The following OSTF1 variants were observed in gnomAD, a reference collection of about 807,000 sequenced individuals.
OSTF1 encodes the protein osteoclast stimulating factor 1, also known as osteoclast-stimulating factor 1.
A neutral mutation model predicts 37.2 loss-of-function variants in OSTF1; 27 were observed. That is an observed-to-expected ratio of 0.73 (90% confidence interval 0.54 to 1.00). OSTF1 has a LOEUF of 1.00. Among genes scored for constraint, OSTF1 ranks in the 50% least tolerant of loss-of-function variants. OSTF1 has a pLI of 0.00. For synonymous variants in OSTF1, 82 were observed against 89.2 expected (o/e 0.92, Z 0.46); for missense variants, 232 against 253.8 (o/e 0.91, Z 0.58).
chr9:75,137,701 G>T, intron 8 of OSTF1, 85 bp downstream of exon 8: 1 of 827,296 alleles, frequency 1.2e-6, no homozygotes. Context: ...ATGGTAGGAA[G>T]AATAATAGTC....
intron 2 of OSTF1, among the ~76,000 whole-genome samples, chr9:75,119,014 G>T (rs188093671): frequency 3.3e-5 from 5 of 152,186 alleles, no homozygotes. Flanking sequence ...GCTTCACCTG[G>T]GTTTGCCCCA....
chr9:75,142,613 C>T (rs1256164392), intron 9 of OSTF1, among the ~76,000 whole-genome samples: 2 of 152,242 alleles, frequency 1.3e-5, no homozygotes, highest in African/African-American at 4.8e-5. Context: ...AGCCTTTCTG[C>T]AGCCTTCGTA....
chr9:75,134,371 A>G lies in OSTF1; in HGVS notation c.384A>G (p.Gln128=). ...HKDIVEMLFT[Q]PNIELNQQNK... Reference sequence around the variant, plus strand: ...ATATAGTGGAAATGCTATTTACTCAACCAAATATTGAACTGAACCAGCAGG... The same window carrying G: ...ATATAGTGGAAATGCTATTTACTCAGCCAAATATTGAACTGAACCAGCAGG... The change falls in exon 7 of 10, where the codon CAA becomes CAG. Residue 128 remains glutamine (Q), a synonymous_variant. Transcript: ENST00000346234. The G allele has an allele frequency of 2.5e-6, 4 of 1,571,414 alleles. No individual in the cohort carries two copies. Among genetic ancestry groups the G allele is most frequent in the Non-Finnish European group, 2.6e-6 (3 of 1,146,294 alleles).
At position 75,093,907 on chromosome 9, in the gene OSTF1, C is replaced by T. The variant is rs1490085838; in HGVS notation, c.34+5181C>T. 2.6e-5 allele frequency among the ~76,000 whole-genome samples: 4 copies of T among 152,150 alleles called. 1 individual carries two copies. Among genetic ancestry groups the T allele is most frequent in the South Asian group, 4.1e-4 (2 of 4,824 alleles). The stretch of plus-strand genomic sequence containing the variant: ...ATGGGAATGGTTAACATATATTTGG[C>T]CCCATATGTCAGGCACTGCACCCAG... On this transcript the variant is annotated intron_variant, in intron 1 of 9. Transcript: ENST00000346234.
chr9:75,139,379 T>C (rs987833049), intron 8 of OSTF1, among the ~76,000 whole-genome samples: 2 of 152,158 alleles, frequency 1.3e-5, no homozygotes, highest in African/African-American at 4.8e-5. Flanking sequence ...AAAAATATGA[T>C]ACTTTCCTAC....
intron 1 of OSTF1, among the ~76,000 whole-genome samples, chr9:75,105,058 T>A (rs938700157): frequency 2.0e-5 from 3 of 152,208 alleles, no homozygotes; most frequent in Non-Finnish European, 4.4e-5. Flanking sequence ...AATGTGAGTT[T>A]AGAAGGATAA....
intron 2 of OSTF1, among the ~76,000 whole-genome samples, chr9:75,127,019 T>G (rs1345330141): frequency 3.3e-5 from 5 of 152,220 alleles, no homozygotes; most frequent in African/African-American, 7.2e-5. Flanking sequence ...TTTTAGCTCT[T>G]TAGCCTTATT....
At chr9:75,114,790 G>A (rs1825452871) in intron 1 of OSTF1, among the ~76,000 whole-genome samples, 2 of 152,190 alleles carry the variant, frequency 1.3e-5, no homozygotes, top group Non-Finnish European at 2.9e-5. Flanking sequence ...CTGGCCTCAA[G>A]CAGTCCACCT....
intron 6 of OSTF1, 52 bp downstream of exon 6, chr9:75,133,453 C>G (rs766105914): frequency 9.6e-7 from 1 of 1,045,522 alleles, no homozygotes; most frequent in South Asian, 1.3e-5. Flanking sequence ...ATGTGTTTCA[C>G]CTACGGGAGC....
At chr9:75,107,056 C>G (rs1825300947) in intron 1 of OSTF1, among the ~76,000 whole-genome samples, 1 of 150,138 alleles carries the variant, frequency 6.7e-6, no homozygotes, top group East Asian at 2.0e-4. Context: ...GAGGCCTGTT[C>G]TGAGCTAATC....
chr9:75,117,181 A>G (rs1218640140), intron 1 of OSTF1, among the ~76,000 whole-genome samples: 1 of 152,202 alleles, frequency 6.6e-6, no homozygotes, highest in African/African-American at 2.4e-5. Flanking sequence ...CATCATCTTA[A>G]ACATTTATCA....
At chr9:75,134,735 CT>C (rs1825817037) in intron 7 of OSTF1, among the ~76,000 whole-genome samples, 1 of 152,178 alleles carries the variant, frequency 6.6e-6, no homozygotes, top group African/African-American at 2.4e-5. Context: ...CAGCTCTCAT[CT>C]TTCAGCACCC....
At chr9:75,146,205 C>G (rs1826021593) in intron 9 of OSTF1, among the ~76,000 whole-genome samples, 1 of 152,202 alleles carries the variant, frequency 6.6e-6, no homozygotes. Context: ...CCATTTCAGC[C>G]TTTTGCTTTA....
chr9:75,095,599 T>A (rs1825062015), intron 1 of OSTF1, among the ~76,000 whole-genome samples: 2 of 152,202 alleles, frequency 1.3e-5, no homozygotes, highest in African/African-American at 4.8e-5. Context: ...AAATAAGGGC[T>A]AAGCTTCTTT....
At chr9:75,120,556 C>T (rs1048687446) in intron 2 of OSTF1, among the ~76,000 whole-genome samples, 6 of 152,142 alleles carry the variant, frequency 3.9e-5, no homozygotes, top group Non-Finnish European at 5.9e-5. Flanking sequence ...CTCCTCTCTT[C>T]GTATGCTTCG....
At position 75,094,092 on chromosome 9, in the gene OSTF1, C is replaced by T. The variant is rs541313779; in HGVS notation, c.34+5366C>T. 6.6e-5 allele frequency among the ~76,000 whole-genome samples: 10 copies of T among 152,274 alleles called. 1 individual carries two copies. Among genetic ancestry groups the T allele is most frequent in the African/African-American group, 2.4e-4 (10 of 41,532 alleles). ...TGGTTGGTGTGACCTGGAAGTGGAACAGAAGCTTTAATTGAGTCCATGCAT... is the reference window on the plus strand; with the variant it reads ...TGGTTGGTGTGACCTGGAAGTGGAATAGAAGCTTTAATTGAGTCCATGCAT... On this transcript the variant is annotated intron_variant, in intron 1 of 9. Coordinates refer to ENST00000346234, the MANE Select transcript of OSTF1 (RefSeq NM_012383.5).
At chr9:75,126,579 TTTTG>T (rs572474853) in intron 2 of OSTF1, among the ~76,000 whole-genome samples, 119 of 152,244 alleles carry the variant, frequency 7.8e-4, no homozygotes, top group African/African-American at 2.1e-3. Flanking sequence ...TTTTGGTTGT[TTTTG>T]TTTGTTTGTT....
chr9:75,092,152 A>C (rs1213663993), intron 1 of OSTF1, among the ~76,000 whole-genome samples: 1 of 152,236 alleles, frequency 6.6e-6, no homozygotes, highest in African/African-American at 2.4e-5. Context: ...AACAAGGGAC[A>C]TTAAGCTATA....
intron 1 of OSTF1, among the ~76,000 whole-genome samples, chr9:75,095,033 T>C (rs1825048744): frequency 6.6e-6 from 1 of 152,102 alleles, no homozygotes; most frequent in African/African-American, 2.4e-5. Context: ...CTGTCTCAAA[T>C]AAACAAACAA....
Sources: allele counts gnomAD v4.1 joint callset (sites outside exome capture counted in the v4.1 genomes callset), GRCh38; gene constraint gnomAD v4.1.1; transcripts MANE v1.5; gene names NCBI Gene and HGNC (gene_info 2026-07-23, HGNC 2026-07-21).